Variants in ZBTB25 observed in about 807,000 individuals in gnomAD.
ZBTB25 encodes zinc finger and BTB domain-containing protein 25.
In ZBTB25, 20 loss-of-function variants were observed where a neutral mutation model predicts 34.2. That is an observed-to-expected ratio of 0.58 (90% CI 0.41 to 0.85). ZBTB25 has a LOEUF of 0.85. Among genes scored for constraint, ZBTB25 ranks in the 40% least tolerant of loss-of-function variants. The pLI is 0.00. For synonymous variants in ZBTB25, 175 were observed against 186.4 expected (o/e 0.94, Z 0.50); for missense variants, 437 against 521.8 (o/e 0.84, Z 1.58).
rs946824706 is a variant in ZBTB25 at position 64,482,573 on chromosome 14, A to C, written c.*4350T>G. The C allele has an allele frequency of 1.3e-5, 2 of 152,276 alleles. No homozygotes were observed. The highest frequency in any genetic ancestry group is 2.9e-5 in the Non-Finnish European group (2 of 68,052). 9.4% of individuals were successfully genotyped at this position (152,276 alleles called of 1,614,324 possible). On this transcript the variant is annotated 3_prime_UTR_variant, in exon 3 of 3. Coordinates refer to ENST00000608382, the MANE Select transcript of ZBTB25 (RefSeq NM_006977.5). ...TGAAATTGACAAAGTTTTATTCCCAATAATGCCAAAGAACTAGTATCCTCC... is the reference window on the plus strand; with the variant it reads ...TGAAATTGACAAAGTTTTATTCCCACTAATGCCAAAGAACTAGTATCCTCC...
chr14:64,503,333 G>A lies in ZBTB25; in HGVS notation c.-8+328C>T, dbSNP rs972149937. The A allele has an allele frequency of 9.1e-6, 9 of 985,270 alleles. No individual in the cohort carries two copies. The African/African-American group carries it at 1.6e-4, about 17-fold the overall frequency. The allele number at this position is 985,270 out of a possible 1,614,324, so 61.0% of individuals were successfully genotyped here. A position where few individuals can be genotyped will look rare whatever the true frequency, so the allele number is the denominator to read the frequency against. ...CGAGGGAGGCCGCAGGCCTACTGGGGTTTCCTGCTGGGGGTCGCACCCGGA... is the reference window on the plus strand; with the variant it reads ...CGAGGGAGGCCGCAGGCCTACTGGGATTTCCTGCTGGGGGTCGCACCCGGA... On this transcript the variant is annotated intron_variant, in intron 1 of 2. Transcript: ENST00000608382.
Position 64,480,688 on chromosome 14 carries a change from C to A in ZBTB25, c.*6235G>T, listed in dbSNP as rs2078777540. 6.5e-6 allele frequency: 1 copy of A among 153,692 alleles called. No individual in the cohort carries two copies. Among genetic ancestry groups the A allele is most frequent in the Non-Finnish European group, 1.4e-5 (1 of 68,994 alleles). 9.5% of individuals were successfully genotyped at this position (153,692 alleles called of 1,614,324 possible). A position where few individuals can be genotyped will look rare whatever the true frequency, so the allele number is the denominator to read the frequency against. On this transcript the variant is annotated 3_prime_UTR_variant, in exon 3 of 3. Transcript: ENST00000608382. Reference sequence around the variant, plus strand: ...CATTGTTTCTTGCTCTGTCGCCAGGCTGGAGTGCAGTGGCGCAATCTCGGC... The same window carrying A: ...CATTGTTTCTTGCTCTGTCGCCAGGATGGAGTGCAGTGGCGCAATCTCGGC...
chr14:64,494,320 G>C (rs2079192855), intron 1 of ZBTB25, among the ~76,000 whole-genome samples: 1 of 152,162 alleles, frequency 6.6e-6, no homozygotes, highest in South Asian at 2.1e-4. Context: ...CCAAATATCT[G>C]ACTGCAGGGG....
At chr14:64,472,544 A>G (rs898097333) in intron 2 of ZBTB25, 2 of 166,900 alleles carry the variant, frequency 1.2e-5, no homozygotes, top group Admixed American at 1.3e-4. Context: ...TGTTTTTATG[A>G]TAAGATGTAT....
At position 64,484,070 on chromosome 14, in the gene ZBTB25, A is replaced by G. The variant is rs1391494217; in HGVS notation, c.*2853T>C. ...ATTCAGCTTTTGGGATTTTTTTTCTATAAAATGAAGTTGATATTTTCCCAC... is the reference window on the plus strand; with the variant it reads ...ATTCAGCTTTTGGGATTTTTTTTCTGTAAAATGAAGTTGATATTTTCCCAC... On this transcript the variant is annotated 3_prime_UTR_variant, in exon 3 of 3. Transcript: ENST00000608382. 1 of 150,940 alleles carries G rather than the reference A, an allele frequency of 6.6e-6. No individual in the cohort carries two copies. Among genetic ancestry groups the G allele is most frequent in the East Asian group, 1.9e-4 (1 of 5,152 alleles). The allele number at this position is 150,940 out of a possible 1,614,324, so 9.4% of individuals were successfully genotyped here. A position where few individuals can be genotyped will look rare whatever the true frequency, so the allele number is the denominator to read the frequency against.
rs1451901649 is a variant in ZBTB25, at chr14:64,483,543, C to G, written c.*3380G>C. 6.6e-6 allele frequency: 1 copy of G among 152,116 alleles called. No individual in the cohort carries two copies. The highest frequency in any genetic ancestry group is 1.5e-5 in the Non-Finnish European group (1 of 68,084). The allele number at this position is 152,116 out of a possible 1,614,324, so 9.4% of individuals were successfully genotyped here. On this transcript the variant is annotated 3_prime_UTR_variant, in exon 3 of 3. Transcript: ENST00000608382. ...CCGCCCGCCTCGGCCTCCCAAAGTG[C>G]TGGGATTACAAGCATGAGCCACCAC...
rs561048684 is a variant in ZBTB25, at chr14:64,487,514, T to C, written c.717A>G (p.Leu239=). The C allele has an allele frequency of 6.2e-7, 1 of 1,613,800 alleles. No individual in the cohort carries two copies. The highest frequency in any genetic ancestry group is 2.2e-5 in the East Asian group (1 of 44,880). ...TFTENSVKIH[L]CHYCGERFDS... is the part of the protein sequence containing the mutation. ...CAAAACGTTCCCCACAGTAATGGCA[T>C]AAGTGTATTTTGACACTGTTTTCAG... Residue 239 remains leucine (L), a synonymous_variant, in exon 3 of 3, where the codon TTA becomes TTG. Transcript: ENST00000608382.
chr14:64,493,844 C>CAA lies in ZBTB25; in HGVS notation c.-7-3306_-7-3305dup, dbSNP rs34544996. 4.6e-4 allele frequency among the ~76,000 whole-genome samples: 62 copies of CAA among 135,060 alleles called. 1 individual carries two copies. In the South Asian group the frequency reaches 4.7e-3, roughly 10 times the overall value. The allele number at this position is 135,060 out of a possible 152,430, so 88.6% of individuals were successfully genotyped here. On this transcript the variant is annotated intron_variant, in intron 1 of 2. Coordinates refer to ENST00000608382, the MANE Select transcript of ZBTB25 (RefSeq NM_006977.5). ...GATAAGAGGTTCTGAGACCCCACCT[C>CAA]AAAAAAAAAAAAAAGAAGAAGAAGA...
chr14:64,494,017 G>A (rs912382306), intron 1 of ZBTB25, among the ~76,000 whole-genome samples: 5 of 151,964 alleles, frequency 3.3e-5, no homozygotes, highest in African/African-American at 7.3e-5. Flanking sequence ...GAAACGACAA[G>A]GCTGAAGTAA....
In ZBTB25 at chr14:64,486,548, G is replaced by T; in HGVS notation, c.*375C>A. 1.0e-6 allele frequency: 1 copy of T among 952,980 alleles called. No individual in the cohort carries two copies. 59.0% of individuals were successfully genotyped at this position (952,980 alleles called of 1,614,324 possible). On this transcript the variant is annotated 3_prime_UTR_variant, in exon 3 of 3. Transcript: ENST00000608382. The stretch of plus-strand genomic sequence containing the variant: ...GAATTCATGTGAAATGTAGGCAGAA[G>T]TGATAGTTTAGAATATGCTTTAAAA...
intron 2 of ZBTB25, chr14:64,467,478 CTAATT>C (rs1410627674): frequency 6.6e-6 from 1 of 152,092 alleles, no homozygotes; most frequent in East Asian, 1.9e-4. Context: ...AATTGTACAA[CTAATT>C]TAAGAGTGGG....
At chr14:64,454,314 T>C (rs1243085261) in intron 2 of ZBTB25, among the ~76,000 whole-genome samples, 4 of 152,248 alleles carry the variant, frequency 2.6e-5, no homozygotes, top group Non-Finnish European at 4.4e-5. Context: ...GGTTTTGCCC[T>C]GTTGCCCAGG....
In ZBTB25 at chr14:64,478,218, A is replaced by G. The variant is rs1177763284; in HGVS notation, c.*8705T>C. 6.6e-6 allele frequency: 1 copy of G among 152,218 alleles called. No individual in the cohort carries two copies. Among genetic ancestry groups the G allele is most frequent in the Non-Finnish European group, 1.5e-5 (1 of 68,030 alleles). 9.4% of individuals were successfully genotyped at this position (152,218 alleles called of 1,614,324 possible). On this transcript the variant is annotated 3_prime_UTR_variant, in exon 3 of 3. Transcript: ENST00000608382. ...TAGGAGAAGCAACTGGTGATTAGGT[A>G]CAAAGTCCTAGGATGATGAGAATAA... is the stretch of plus-strand genomic sequence containing the variant.
At chr14:64,494,122 T>C (rs1349424223) in intron 1 of ZBTB25, among the ~76,000 whole-genome samples, 1 of 151,512 alleles carries the variant, frequency 6.6e-6, no homozygotes, top group Non-Finnish European at 1.5e-5. Flanking sequence ...AAAGACAAAA[T>C]AAGACAGAGG....
intron 1 of ZBTB25, among the ~76,000 whole-genome samples, chr14:64,493,791 A>G (rs2079171218): frequency 6.6e-6 from 1 of 151,916 alleles, no homozygotes; most frequent in Non-Finnish European, 1.5e-5. Context: ...GTCCCAGAAC[A>G]TTAGAGAAGA....
chr14:64,457,274 C>A (rs932172654), intron 2 of ZBTB25, among the ~76,000 whole-genome samples: 4 of 152,140 alleles, frequency 2.6e-5, no homozygotes, highest in Admixed American at 6.6e-5. Flanking sequence ...CCCTGTACCT[C>A]CTTTTGGTCT....
chr14:64,453,162 GTATCTA>G (rs1229177091), intron 2 of ZBTB25, among the ~76,000 whole-genome samples: 4 of 151,900 alleles, frequency 2.6e-5, no homozygotes, highest in South Asian at 2.1e-4. Flanking sequence ...ATTAATATGT[GTATCTA>G]TATCTATATA....
At chr14:64,455,148 T>G (rs769379233) in intron 2 of ZBTB25, 1 of 436,378 alleles carries the variant, frequency 2.3e-6, no homozygotes, top group Non-Finnish European at 4.3e-6. Context: ...TGCTCTTCAC[T>G]GAATCTAGGA....
chr14:64,504,704 G>A (rs1163091490), upstream of ZBTB25: 3 of 368,122 alleles, frequency 8.1e-6, no homozygotes, highest in Admixed American at 4.6e-5. Context: ...ACCCGGAGTC[G>A]CCGCGTAAGC....
Sources: allele counts gnomAD v4.1 joint callset (sites outside exome capture counted in the v4.1 genomes callset), GRCh38; gene constraint gnomAD v4.1.1; transcripts MANE v1.5; gene names NCBI Gene and HGNC (gene_info 2026-07-23, HGNC 2026-07-21).